PINX1: variants seen among roughly 807,000 people sequenced by gnomAD.
PINX1 encodes PIN2 (TERF1) interacting telomerase inhibitor 1, also known as PIN2/TERF1-interacting telomerase inhibitor 1.
A neutral mutation model predicts 25.4 loss-of-function variants in PINX1; 34 were observed. That is an observed-to-expected ratio of 1.34 (90% CI 1.02 to 1.78). PINX1 has a LOEUF of 1.78. Among genes scored for constraint, PINX1 ranks in the 40% most tolerant of loss-of-function variants. PINX1 has a pLI of 0.00. For synonymous variants in PINX1, 197 were observed against 147.7 expected, an observed-to-expected ratio of 1.33 and a Z score of -2.42; for missense variants, 592 against 404.9, an observed-to-expected ratio of 1.46 and a Z score of -3.97.
chr8:10,809,930 A>C (rs370172643), intron 6 of PINX1, among the ~76,000 whole-genome samples: 22 of 152,368 alleles, frequency 1.4e-4, no homozygotes, highest in African/African-American at 5.3e-4. Flanking sequence ...TGCAGGTTGC[A>C]TAGGAGGTGT....
chr8:10,829,700 T>TC (rs1205330879), intron 4 of PINX1, among the ~76,000 whole-genome samples: 2 of 152,024 alleles, frequency 1.3e-5, no homozygotes, highest in African/African-American at 4.8e-5. Flanking sequence ...CTTTTTTTTT[T>TC]TGGAGATGGA....
At chr8:10,789,891 G>C (rs997219197) in intron 6 of PINX1, among the ~76,000 whole-genome samples, 1 of 152,072 alleles carries the variant, frequency 6.6e-6, no homozygotes, top group Non-Finnish European at 1.5e-5. Context: ...ACAGGTCATG[G>C]TTTCTCTAGA....
At chr8:10,807,620 C>A (rs1354384488) in intron 6 of PINX1, among the ~76,000 whole-genome samples, 1 of 152,118 alleles carries the variant, frequency 6.6e-6, no homozygotes, top group Non-Finnish European at 1.5e-5. Flanking sequence ...ATAAACAGGT[C>A]TGTGCTAAGG....
At chr8:10,836,123 AC>A (rs1303555213) in intron 1 of PINX1, among the ~76,000 whole-genome samples, 3 of 151,844 alleles carry the variant, frequency 2.0e-5, no homozygotes, top group Non-Finnish European at 2.9e-5. Flanking sequence ...AAATAACATG[AC>A]CCCCTGTCAA....
intron 4 of PINX1, 31 bp from the exon 5 acceptor site, chr8:10,826,275 G>C (rs1343719574): frequency 2.5e-6 from 3 of 1,201,616 alleles, no homozygotes; most frequent in Admixed American, 2.1e-5. Context: ...ATACATTAAA[G>C]TCTTTCTAAT....
At chr8:10,769,462 A>G (rs1411634011) in intron 6 of PINX1, among the ~76,000 whole-genome samples, 1 of 152,190 alleles carries the variant, frequency 6.6e-6, no homozygotes, top group Non-Finnish European at 1.5e-5. Flanking sequence ...TTGAACTGAG[A>G]TGACTCTGGA....
intron 6 of PINX1, among the ~76,000 whole-genome samples, chr8:10,781,036 G>A (rs1427899214): frequency 2.0e-5 from 3 of 152,192 alleles, no homozygotes; most frequent in Non-Finnish European, 1.5e-5. Flanking sequence ...TTAGAGAACT[G>A]AAATAAATCT....
chr8:10,831,867 A>G, intron 3 of PINX1, 124 bp from the exon 4 acceptor site: 1 of 643,780 alleles, frequency 1.6e-6, no homozygotes, highest in Non-Finnish European at 2.8e-6. Flanking sequence ...TTCCATCAAA[A>G]TACTATTTGA....
At chr8:10,824,101 G>T (rs1025204093) in intron 5 of PINX1, among the ~76,000 whole-genome samples, 4 of 152,158 alleles carry the variant, frequency 2.6e-5, no homozygotes, top group African/African-American at 9.7e-5. Flanking sequence ...AAAGTTCCAT[G>T]AAATGGGTCA....
At chr8:10,837,970 T>A (rs1798453369) in intron 1 of PINX1, among the ~76,000 whole-genome samples, 1 of 152,188 alleles carries the variant, frequency 6.6e-6, no homozygotes, top group African/African-American at 2.4e-5. Context: ...TCTTATAACA[T>A]ATAAGTGAGC....
At position 10,803,532 on chromosome 8, in the gene PINX1, G is replaced by C. The variant is rs141418565; in HGVS notation, c.471+16661C>G. ...TTCCACTGACTTATTGTAGAAATTG[G>C]GTCAATTGTTTCGAGCTCTGTCCCA... On this transcript the variant is annotated intron_variant, in intron 6 of 6. Coordinates refer to ENST00000314787, the MANE Select transcript of PINX1 (RefSeq NM_017884.6). 5.7e-3 allele frequency among the ~76,000 whole-genome samples: 860 copies of C among 152,152 alleles called. 10 individuals are homozygous for C. Among genetic ancestry groups the C allele is most frequent in the African/African-American group, 0.02 (824 of 41,506 alleles).
chr8:10,805,206 G>T (rs1802401338), intron 6 of PINX1, among the ~76,000 whole-genome samples: 2 of 152,186 alleles, frequency 1.3e-5, no homozygotes, highest in Admixed American at 1.3e-4. Flanking sequence ...GCGACCTCCT[G>T]CAGGGCGTGC....
At chr8:10,769,686 C>G (rs965599606) in intron 6 of PINX1, among the ~76,000 whole-genome samples, 1 of 152,226 alleles carries the variant, frequency 6.6e-6, no homozygotes, top group African/African-American at 2.4e-5. Flanking sequence ...CCACATCACA[C>G]AGGCAGAGAG....
intron 5 of PINX1, among the ~76,000 whole-genome samples, chr8:10,824,201 T>C (rs1797965707): frequency 1.3e-5 from 2 of 152,218 alleles, no homozygotes; most frequent in South Asian, 4.1e-4. Context: ...AAACTGAGTC[T>C]GAAGGGAAAT....
At chr8:10,820,170 G>A (rs775686540) in intron 6 of PINX1, 23 bp downstream of exon 6, 13 of 1,472,880 alleles carry the variant, frequency 8.8e-6, no homozygotes, top group South Asian at 6.8e-5. Flanking sequence ...AGCGGAACAC[G>A]GAAACTGTAC....
At chr8:10,802,653 G>T (rs1289946601) in intron 6 of PINX1, among the ~76,000 whole-genome samples, 2 of 152,126 alleles carry the variant, frequency 1.3e-5, no homozygotes, top group East Asian at 3.9e-4. Flanking sequence ...GAGGGCAGGG[G>T]CCCGGTGGAA....
chr8:10,835,658 A>T (rs1437408873), intron 1 of PINX1, among the ~76,000 whole-genome samples: 1 of 152,186 alleles, frequency 6.6e-6, no homozygotes, highest in East Asian at 1.9e-4. Context: ...TAGGGCTCAT[A>T]TTCATGTCTT....
intron 6 of PINX1, among the ~76,000 whole-genome samples, chr8:10,812,441 C>T (rs1044713726): frequency 1.3e-5 from 2 of 152,196 alleles, no homozygotes; most frequent in African/African-American, 4.8e-5. Context: ...AGCTGGGACT[C>T]TTGCCTGGTA....
At chr8:10,794,942 A>G (rs1022274034) in intron 6 of PINX1, among the ~76,000 whole-genome samples, 6 of 152,186 alleles carry the variant, frequency 3.9e-5, no homozygotes, top group Non-Finnish European at 8.8e-5. Flanking sequence ...AGACTGAGAG[A>G]TTTAACATTG....
Sources: allele counts gnomAD v4.1 joint callset (sites outside exome capture counted in the v4.1 genomes callset), GRCh38; gene constraint gnomAD v4.1.1; transcripts MANE v1.5; gene names NCBI Gene and HGNC (gene_info 2026-07-23, HGNC 2026-07-21).